Variants in GATAD1 observed in about 807,000 individuals in gnomAD.
The protein encoded by GATAD1 is GATA zinc finger domain-containing protein 1.
A neutral mutation model predicts 26.5 loss-of-function variants in GATAD1; 12 were observed. The ratio of observed to expected loss-of-function variants is 0.45; its 90% CI spans 0.29 to 0.73. The LOEUF is 0.73. Ranked by LOEUF, GATAD1 falls within the 30% of genes least tolerant of loss-of-function variation. The pLI is 0.10. For synonymous variants in GATAD1, 129 were observed against 133.1 expected, an observed-to-expected ratio of 0.97 and a Z score of 0.21; for missense variants, 266 against 342.1, an observed-to-expected ratio of 0.78 and a Z score of 1.75.
At chr7:92,465,634 AAAAG>A in the GATAD1 span, among the ~76,000 whole-genome samples, 4 of 152,044 alleles carry the variant, frequency 2.6e-5, no homozygotes, top group Admixed American at 1.3e-4. Flanking sequence ...AAAAAAGAAA[AAAAG>A]CAATCACTAA....
At chr7:92,468,784 T>C in the GATAD1 span, 3 of 744,340 alleles carry the variant, frequency 4.0e-6, no homozygotes, top group Non-Finnish European at 7.4e-6. Flanking sequence ...TCCTGCTGAA[T>C]TGGGGCGTAG....
At chr7:92,463,881 T>C (rs1474788363), downstream of GATAD1, among the ~76,000 whole-genome samples, 1 of 146,084 alleles carries the variant, frequency 6.8e-6, no homozygotes, top group African/African-American at 2.6e-5. Context: ...GGCCTAGGAA[T>C]TGCTTGAACC....
Position 92,447,900 on chromosome 7 carries a change from C to T in GATAD1, c.171C>T (p.Gly57=), listed in dbSNP as rs1044918371. 1.9e-5 allele frequency: 24 copies of T among 1,256,910 alleles called. No homozygotes were observed. Among genetic ancestry groups the T allele is most frequent in the East Asian group, 3.2e-5 (1 of 31,134 alleles). 77.9% of individuals were successfully genotyped at this position (1,256,910 alleles called of 1,614,324 possible). A position where few individuals can be genotyped will look rare whatever the true frequency, so the allele number is the denominator to read the frequency against. The change falls in exon 1 of 5, where the codon GGC becomes GGT. Residue 57 remains glycine, a synonymous_variant. Coordinates refer to ENST00000287957, the MANE Select transcript of GATAD1 (RefSeq NM_021167.5). ...GAAGGTGGSG[G]GGFGAATFAS... ...CTGGAGGGACTGGGGGCAGCGGCGGCGGCGGCTTCGGCGCGGCGACCTTCG... is the reference window on the plus strand; with the variant it reads ...CTGGAGGGACTGGGGGCAGCGGCGGTGGCGGCTTCGGCGCGGCGACCTTCG...
rs897869360 is a variant in GATAD1 at position 92,448,122 on chromosome 7, A to G, written c.249+144A>G. 4 of 496,216 alleles carry G rather than the reference A, an allele frequency of 8.1e-6. No homozygotes were observed. In the Admixed American group the frequency reaches 1.4e-4, roughly 18 times the overall value. The allele number at this position is 496,216 out of a possible 1,614,324, so 30.7% of individuals were successfully genotyped here. On this transcript the variant is annotated intron_variant, in intron 1 of 4. Coordinates refer to ENST00000287957, the MANE Select transcript of GATAD1 (RefSeq NM_021167.5). ...GAACGCCCCTCCCCACCTCCTACTG[A>G]GATCTTTCGTTTGGCCCATTCCGAA...
chr7:92,475,604 T>C, the GATAD1 span, among the ~76,000 whole-genome samples: 2 of 151,822 alleles, frequency 1.3e-5, no homozygotes, highest in African/African-American at 2.4e-5. Context: ...TAACCACCCA[T>C]GGACCTCTGT....
the GATAD1 span, chr7:92,489,740 T>C: frequency 1.4e-5 from 23 of 1,614,162 alleles, no homozygotes; most frequent in African/African-American, 2.5e-4. Context: ...TATCTGCCTT[T>C]GATAATACTG....
the GATAD1 span, chr7:92,487,295 C>A: frequency 5.7e-6 from 3 of 528,066 alleles, no homozygotes; most frequent in East Asian, 3.1e-5. Context: ...TAATCTCAAT[C>A]CTGATCATTA....
At chr7:92,448,719 C>T (rs1171968217) in intron 1 of GATAD1, 33 bp from the exon 2 acceptor site, 1 of 1,587,880 alleles carries the variant, frequency 6.3e-7, no homozygotes, top group Non-Finnish European at 8.6e-7. Flanking sequence ...TTACTTCTTT[C>T]TCTTTTTGTT....
chr7:92,462,703 A>G (rs1789965360), downstream of GATAD1, among the ~76,000 whole-genome samples: 1 of 152,232 alleles, frequency 6.6e-6, no homozygotes, highest in Non-Finnish European at 1.5e-5. Context: ...GGAGGTAATC[A>G]GATTTCTACG....
At chr7:92,475,998 TC>T in the GATAD1 span, among the ~76,000 whole-genome samples, 6 of 152,028 alleles carry the variant, frequency 3.9e-5, no homozygotes, top group African/African-American at 1.2e-4. Flanking sequence ...TCCACAAGAG[TC>T]CCCGTATCAA....
At chr7:92,470,654 C>T in the GATAD1 span, 2 of 326,554 alleles carry the variant, frequency 6.1e-6, no homozygotes, top group East Asian at 5.5e-5. Flanking sequence ...AATACCATGT[C>T]ACAAGGGTGG....
At chr7:92,454,286 CTG>C (rs1291628495) in intron 3 of GATAD1, 2 of 488,928 alleles carry the variant, frequency 4.1e-6, no homozygotes, top group Non-Finnish European at 7.1e-6. Context: ...CAGATGTAAA[CTG>C]TCATATATGC....
At chr7:92,469,196 T>C in the GATAD1 span, 14 of 737,690 alleles carry the variant, frequency 1.9e-5, no homozygotes, top group Non-Finnish European at 3.5e-5. Flanking sequence ...AATAAACAGG[T>C]TCCCCCTCTT....
intron 2 of GATAD1, 167 bp from the exon 3 acceptor site, chr7:92,450,534 C>T: frequency 1.8e-6 from 1 of 553,892 alleles, no homozygotes; most frequent in Non-Finnish European, 3.2e-6. Flanking sequence ...TGGAAATAGA[C>T]TGCTTTGCCA....
chr7:92,447,852 C>G lies in GATAD1; in HGVS notation c.123C>G (p.Ser41Arg). Residue 41 changes from serine (S) to arginine (R), a missense_variant, in exon 1 of 5, where the codon AGC (serine) becomes AGG (arginine). Transcript: ENST00000287957. ...GCACTGGCCGGGGCGGCGCGGGCAG[C>G]GGGGGCGCAGGCTCGGGGGCGGCTG... ...HHCTGRGGAG[S>R]GGAGSGAAGG... The G allele has an allele frequency of 7.2e-7, 1 of 1,380,960 alleles. No homozygotes were observed. Among genetic ancestry groups the G allele is most frequent in the Non-Finnish European group, 9.4e-7 (1 of 1,062,876 alleles). 85.5% of individuals were successfully genotyped at this position (1,380,960 alleles called of 1,614,324 possible). A position where few individuals can be genotyped will look rare whatever the true frequency, so the allele number is the denominator to read the frequency against.
chr7:92,451,372 T>G (rs751365120), intron 3 of GATAD1, among the ~76,000 whole-genome samples: 2 of 152,096 alleles, frequency 1.3e-5, no homozygotes, highest in African/African-American at 4.8e-5. Flanking sequence ...CCAGAAGTCT[T>G]AGGAAAGGAA....
Position 92,449,263 on chromosome 7 carries a change from AT to A in GATAD1, c.375+388del, listed in dbSNP as rs1270146238. On this transcript the variant is annotated intron_variant, in intron 2 of 4. Coordinates refer to ENST00000287957, the MANE Select transcript of GATAD1 (RefSeq NM_021167.5). ...TCATTCTTTAAAAATCTAAGTAAATATTAACACTAGAACTCATCATTTGCAT... is the reference window on the plus strand; with the variant it reads ...TCATTCTTTAAAAATCTAAGTAAATATAACACTAGAACTCATCATTTGCAT... 13 of 804,024 alleles carry A rather than the reference AT, an allele frequency of 1.6e-5. No homozygotes were observed. The African/African-American group carries it at 2.4e-4, about 15-fold the overall frequency. 49.8% of individuals were successfully genotyped at this position (804,024 alleles called of 1,614,324 possible). A position where few individuals can be genotyped will look rare whatever the true frequency, so the allele number is the denominator to read the frequency against.
At chr7:92,460,563 A>G (rs539344527), downstream of GATAD1, among the ~76,000 whole-genome samples, 15 of 152,308 alleles carry the variant, frequency 9.8e-5, no homozygotes, top group South Asian at 2.3e-3. Flanking sequence ...AAGGTTCACA[A>G]TAAATAAGAG....
At chr7:92,493,005 T>A in the GATAD1 span, 4 of 1,613,906 alleles carry the variant, frequency 2.5e-6, no homozygotes, top group Non-Finnish European at 1.7e-6. Flanking sequence ...TTGGGCATTG[T>A]AAAGTAAAGC....
Sources: allele counts gnomAD v4.1 joint callset (sites outside exome capture counted in the v4.1 genomes callset), GRCh38; gene constraint gnomAD v4.1.1; transcripts MANE v1.5; gene names NCBI Gene and HGNC (gene_info 2026-07-23, HGNC 2026-07-21).